Variants in WASHC2C observed in about 807,000 individuals in gnomAD.
WASHC2C encodes the protein Vaccinia Penetration Factor.
Under a neutral mutation model 142.2 loss-of-function variants are expected in WASHC2C, and 73 were observed. The observed-to-expected ratio is 0.51, with a 90% CI of 0.43 to 0.62. WASHC2C has a LOEUF of 0.62. Among genes scored for constraint, WASHC2C ranks in the 20% least tolerant of loss-of-function variants. WASHC2C has a pLI of 0.00. For missense variants in WASHC2C, 969 were observed against 1,531.7 expected (o/e 0.63, Z 6.13); for synonymous variants, 337 against 565.5 (o/e 0.60, Z 5.73).
At chr10:45,742,612 G>A (rs1589636840) in intron 5 of WASHC2C, among the ~76,000 whole-genome samples, 2 of 152,204 alleles carry the variant, frequency 1.3e-5, no homozygotes, top group South Asian at 2.1e-4. Flanking sequence ...CACTGTGCCC[G>A]GCCTAATCTA....
In WASHC2C at chr10:45,754,945, A is replaced by T. The variant is rs781867805; in HGVS notation, c.1250A>T (p.Asp417Val). 1.2e-6 allele frequency: 2 copies of T among 1,611,918 alleles called. No homozygotes were observed. The highest frequency in any genetic ancestry group is 1.7e-6 in the Non-Finnish European group (2 of 1,179,848). ...GAVSVFLGDT[D>V]VFGAASVPSL... The stretch of plus-strand genomic sequence containing the variant: ...GTCCCTTCACTCACAGGAGACACGG[A>T]TGTGTTTGGTGCTGCCTCCGTTCCA... Residue 417 changes from aspartate (D) to valine (V), a missense_variant, in exon 15 of 31, where the codon GAT becomes GTT. Asp to Val is a radical substitution (Grantham distance 152, BLOSUM62 -3). Coordinates refer to ENST00000623400, the MANE Select transcript of WASHC2C (RefSeq NM_001330074.2).
chr10:45,786,917 G>A (rs564382964), intron 27 of WASHC2C, 118 bp from the exon 28 acceptor site: 134 of 1,609,052 alleles, frequency 8.3e-5, no homozygotes, highest in Non-Finnish European at 1.0e-4. Flanking sequence ...ATTTTCCTAC[G>A]TTTCTCTACT....
chr10:45,771,861 A>G (rs1210681319), intron 20 of WASHC2C: 4 of 366,564 alleles, frequency 1.1e-5, no homozygotes, highest in East Asian at 3.2e-4. Flanking sequence ...AATGTTAAAC[A>G]TAGAGTCACC....
chr10:45,750,701 T>C, intron 9 of WASHC2C, 50 bp from the exon 10 acceptor site: 1 of 1,511,798 alleles, frequency 6.6e-7, no homozygotes, highest in Non-Finnish European at 9.0e-7. Context: ...CAAAGTGAAG[T>C]GTACTAGTTT....
intron 25 of WASHC2C, 133 bp downstream of exon 25, chr10:45,785,034 A>G (rs1554889488): frequency 1.9e-6 from 3 of 1,591,736 alleles, no homozygotes; most frequent in East Asian, 4.5e-5. Flanking sequence ...GGCAAATAAC[A>G]TGCCGAGGGG....
At chr10:45,751,659 A>G (rs2053603311) in intron 11 of WASHC2C, 106 bp downstream of exon 11, 2 of 1,261,840 alleles carry the variant, frequency 1.6e-6, no homozygotes, top group Non-Finnish European at 2.2e-6. Context: ...CCCTCTGACA[A>G]ATGGGTCTGT....
chr10:45,753,766 G>T (rs1554875826), intron 13 of WASHC2C, among the ~76,000 whole-genome samples: 1 of 146,920 alleles, frequency 6.8e-6, no homozygotes, highest in East Asian at 2.0e-4. Flanking sequence ...AGGAATACAG[G>T]CATGAGCCAC....
In WASHC2C at chr10:45,789,233, C is replaced by G. The variant is rs1454897622; in HGVS notation, c.3450C>G (p.Pro1150=). 370 of 1,612,004 alleles carry G rather than the reference C, an allele frequency of 2.3e-4. No individual in the cohort carries two copies. The African/African-American group carries it at 4.2e-3, about 18-fold the overall frequency. Residue 1150 remains proline, a synonymous_variant, in exon 29 of 31, where the codon CCC becomes CCG. Coordinates refer to ENST00000623400, the MANE Select transcript of WASHC2C (RefSeq NM_001330074.2). ...TGSQSVERTK[P]KAKIAENPAN... ...CTCAGTCCGTGGAGAGAACAAAACC[C>G]AAGGCAAAGATAGCAGAGAATCCTG...
intron 4 of WASHC2C, 110 bp downstream of exon 4, chr10:45,738,155 G>A: frequency 6.2e-7 from 1 of 1,608,306 alleles, no homozygotes; most frequent in Non-Finnish European, 8.5e-7. Context: ...GGAAAGGGAG[G>A]GACTGCTCCT....
intron 15 of WASHC2C, among the ~76,000 whole-genome samples, chr10:45,756,489 T>C (rs1225432436): frequency 2.0e-5 from 3 of 152,096 alleles, no homozygotes; most frequent in South Asian, 2.1e-4. Context: ...CTAGTGTTAA[T>C]TCATTAGTAC....
chr10:45,784,254 A>T, intron 23 of WASHC2C, among the ~76,000 whole-genome samples: 1 of 67,408 alleles, frequency 1.5e-5, no homozygotes, highest in South Asian at 3.6e-4. Context: ...GTGTGTGTGT[A>T]TATATATATA....
chr10:45,782,362 A>G (rs1185344968), intron 23 of WASHC2C, among the ~76,000 whole-genome samples: 11 of 150,474 alleles, frequency 7.3e-5, no homozygotes, highest in Non-Finnish European at 1.6e-4. Context: ...AAAAGGATAT[A>G]GAAAGATGCT....
At position 45,789,017 on chromosome 10, in the gene WASHC2C, C is replaced by T. The variant is rs2058244798; in HGVS notation, c.3234C>T (p.Gly1078=). 4 of 1,611,880 alleles carry T rather than the reference C, an allele frequency of 2.5e-6. No homozygotes were observed. In the South Asian group the frequency reaches 4.4e-5, roughly 18 times the overall value. ...CTGATGGCGCCATTTCCCCAAATGGCCATCGGCCACAGCTCAGAGCAGCCA... is the reference window on the plus strand; with the variant it reads ...CTGATGGCGCCATTTCCCCAAATGGTCATCGGCCACAGCTCAGAGCAGCCA... ...QWADGAISPN[G]HRPQLRAASG... The change falls in exon 29 of 31, where the codon GGC becomes GGT. Residue 1078 remains glycine, a synonymous_variant. Transcript: ENST00000623400.
Position 45,792,440 on chromosome 10 carries a change from G to T in WASHC2C, c.*40G>T. On this transcript the variant is annotated 3_prime_UTR_variant, in exon 31 of 31. Transcript: ENST00000623400. ...CCACATGTTACCCTGCAGCTACATT[G>T]TTGAGTTAGTGATGATATTGTATAT... The T allele has an allele frequency of 6.4e-7, 1 of 1,561,902 alleles. No individual in the cohort carries two copies. Among genetic ancestry groups the T allele is most frequent in the Non-Finnish European group, 8.7e-7 (1 of 1,144,876 alleles).
chr10:45,790,219 A>G, intron 29 of WASHC2C, 137 bp from the exon 30 acceptor site: 2 of 1,429,334 alleles, frequency 1.4e-6, no homozygotes, highest in Non-Finnish European at 1.9e-6. Flanking sequence ...GGGGTAGTGC[A>G]TCCCAGGCAG....
chr10:45,784,253 T>A (rs1308432841), intron 23 of WASHC2C, among the ~76,000 whole-genome samples: 12 of 4,894 alleles, frequency 2.5e-3, no homozygotes, highest in East Asian at 5.9e-3. Flanking sequence ...TGTGTGTGTG[T>A]ATATATATAT....
intron 16 of WASHC2C, among the ~76,000 whole-genome samples, chr10:45,759,009 C>G (rs1374641247): frequency 4.0e-5 from 6 of 150,144 alleles, no homozygotes; most frequent in African/African-American, 1.5e-4. Context: ...ACCTAAGGCC[C>G]AGCATTCAGA....
intron 3 of WASHC2C, among the ~76,000 whole-genome samples, chr10:45,736,938 A>C (rs1311280518): frequency 2.6e-5 from 4 of 152,126 alleles, no homozygotes; most frequent in Admixed American, 6.6e-5. Flanking sequence ...CAGTTCATTT[A>C]TATTGACTTC....
Position 45,786,985 on chromosome 10 carries a change from T to C in WASHC2C, c.2875-50T>C, listed in dbSNP as rs7085121. On this transcript the variant is annotated intron_variant, in intron 27 of 30. Transcript: ENST00000623400. ...TTGTCATGTGTCACAATAAAGATAATAGACTGCTGTGTTGAAGAACAAATA... is the reference window on the plus strand; with the variant it reads ...TTGTCATGTGTCACAATAAAGATAACAGACTGCTGTGTTGAAGAACAAATA... The C allele has an allele frequency of 5.8e-5, 94 of 1,609,352 alleles. No homozygotes were observed. The African/African-American group carries it at 1.1e-3, about 20-fold the overall frequency.
Sources: allele counts gnomAD v4.1 joint callset (sites outside exome capture counted in the v4.1 genomes callset), GRCh38; gene constraint gnomAD v4.1.1; transcripts MANE v1.5; gene names NCBI Gene and HGNC (gene_info 2026-07-23, HGNC 2026-07-21).